Variants in PAK1 observed in about 807,000 individuals in gnomAD.
The protein encoded by PAK1 is p21 (RAC1) activated kinase 1.
A neutral mutation model predicts 67.4 loss-of-function variants in PAK1; 29 were observed. The observed-to-expected ratio is 0.43, with a 90% confidence interval of 0.32 to 0.59. The LOEUF is 0.59. Among genes scored for constraint, PAK1 ranks in the 20% least tolerant of loss-of-function variants. PAK1 has a pLI of 0.07. For missense variants in PAK1, 337 were observed against 670.7 expected, an observed-to-expected ratio of 0.50 and a Z score of 5.50; for synonymous variants, 223 against 237.4, an observed-to-expected ratio of 0.94 and a Z score of 0.56.
chr11:77,428,598 G>C (rs1452761821), intron 1 of PAK1, among the ~76,000 whole-genome samples: 2 of 150,464 alleles, frequency 1.3e-5, no homozygotes, highest in Admixed American at 6.6e-5. Context: ...GTCTAGTTAA[G>C]AGATGATGAG....
the PAK1 span, among the ~76,000 whole-genome samples, chr11:77,493,556 C>A: frequency 7.0e-6 from 1 of 143,162 alleles, no homozygotes; most frequent in Non-Finnish European, 1.5e-5. Context: ...GCCTCCCAAA[C>A]TGTTGGGATT....
the PAK1 span, among the ~76,000 whole-genome samples, chr11:77,490,244 G>A: frequency 2.0e-5 from 3 of 150,624 alleles, no homozygotes; most frequent in South Asian, 2.1e-4. Flanking sequence ...AGTGAGGAGC[G>A]TCTCCGCCCG....
Position 77,473,971 on chromosome 11 carries a change from G to C in PAK1, c.-441C>G, listed in dbSNP as rs1224244239. The stretch of plus-strand genomic sequence containing the variant: ...AGCCTGTGAGGGAAGCGCGATGGGC[G>C]AGCGAGGGGGCGGGAGCGTGTGGGG... On this transcript the variant is annotated 5_prime_UTR_variant, in exon 1 of 15. Coordinates refer to ENST00000356341, the MANE Select transcript of PAK1 (RefSeq NM_002576.5). The C allele has an allele frequency of 1.3e-5, 2 of 151,442 alleles. No homozygotes were observed. Among genetic ancestry groups the C allele is most frequent in the East Asian group, 3.9e-4 (2 of 5,080 alleles). The allele number at this position is 151,442 out of a possible 1,614,324, so 9.4% of individuals were successfully genotyped here. A position where few individuals can be genotyped will look rare whatever the true frequency, so the allele number is the denominator to read the frequency against.
At chr11:77,509,637 G>A in the PAK1 span, among the ~76,000 whole-genome samples, 1 of 152,178 alleles carries the variant, frequency 6.6e-6, no homozygotes, top group Non-Finnish European at 1.5e-5. Flanking sequence ...CCTGGTGGGA[G>A]GTGTTGGTTC....
chr11:77,322,156 A>T lies in PAK1; in HGVS notation c.*1118T>A. On this transcript the variant is annotated 3_prime_UTR_variant, in exon 15 of 15. Coordinates refer to ENST00000356341, the MANE Select transcript of PAK1 (RefSeq NM_002576.5). ...GCCAGGGGTCCTACCATAGTGGGAG[A>T]ACCAAAACCACAAAAATAGCAGGAG... is the stretch of plus-strand genomic sequence containing the variant. 4.7e-6 allele frequency: 1 copy of T among 211,366 alleles called. No individual in the cohort carries two copies. Among genetic ancestry groups the T allele is most frequent in the East Asian group, 7.0e-5 (1 of 14,278 alleles). 13.1% of individuals were successfully genotyped at this position (211,366 alleles called of 1,614,324 possible). A position where few individuals can be genotyped will look rare whatever the true frequency, so the allele number is the denominator to read the frequency against.
At chr11:77,521,529 CA>C in the PAK1 span, among the ~76,000 whole-genome samples, 491 of 137,624 alleles carry the variant, frequency 3.6e-3, no homozygotes, top group Middle Eastern at 7.5e-3. Context: ...AACTCCACCT[CA>C]AAAAAAAAAA....
chr11:77,335,798 T>G (rs1591721422), intron 13 of PAK1, among the ~76,000 whole-genome samples: 1 of 152,252 alleles, frequency 6.6e-6, no homozygotes, highest in Admixed American at 6.5e-5. Flanking sequence ...TCCCTTACTT[T>G]GCTTTTTCTC....
chr11:77,380,500 C>CA (rs967839038), intron 2 of PAK1, among the ~76,000 whole-genome samples: 1 of 151,762 alleles, frequency 6.6e-6, no homozygotes, highest in African/African-American at 2.4e-5. Flanking sequence ...CTCAAAAAAA[C>CA]AAAAAACAAT....
intron 1 of PAK1, among the ~76,000 whole-genome samples, chr11:77,416,168 G>A (rs982179129): frequency 7.9e-5 from 12 of 152,032 alleles, no homozygotes; most frequent in African/African-American, 1.2e-4. Flanking sequence ...CAGTAGAGAC[G>A]GAGTTTCACC....
chr11:77,362,516 C>T lies in PAK1; in HGVS notation c.478-3499G>A, dbSNP rs185495340. ...GGATAGAATAATACTTAAAAACCAA[C>T]ATTTTGGAATCAACTAGCTTAGGAT... On this transcript the variant is annotated intron_variant, in intron 5 of 14. Coordinates refer to ENST00000356341, the MANE Select transcript of PAK1 (RefSeq NM_002576.5). Among the ~76,000 whole-genome samples the T allele has an allele frequency of 1.3e-3, 201 of 152,276 alleles. 2 individuals carry two copies. Among genetic ancestry groups the T allele is most frequent in the Middle Eastern group, 0.01 (3 of 294 alleles).
chr11:77,440,454 A>G (rs1361861571), intron 1 of PAK1, among the ~76,000 whole-genome samples: 1 of 152,194 alleles, frequency 6.6e-6, no homozygotes, highest in Admixed American at 6.5e-5. Context: ...TAAGTACCAT[A>G]CTTAACATGC....
chr11:77,427,001 G>C (rs1440533704), intron 1 of PAK1, among the ~76,000 whole-genome samples: 1 of 152,170 alleles, frequency 6.6e-6, no homozygotes, highest in Admixed American at 6.5e-5. Flanking sequence ...TGCTGCTATG[G>C]CTGGAGCAAA....
At chr11:77,496,693 G>A in the PAK1 span, among the ~76,000 whole-genome samples, 1 of 152,200 alleles carries the variant, frequency 6.6e-6, no homozygotes, top group Non-Finnish European at 1.5e-5. Flanking sequence ...AGCACTGTGG[G>A]AGGTCAAGCC....
intron 1 of PAK1, among the ~76,000 whole-genome samples, chr11:77,443,299 G>A (rs571717467): frequency 2.2e-5 from 3 of 137,684 alleles, no homozygotes; most frequent in East Asian, 2.0e-4. Flanking sequence ...GTGAGACTCC[G>A]TCTCTTAAAA....
At chr11:77,514,630 T>G in the PAK1 span, among the ~76,000 whole-genome samples, 1 of 152,186 alleles carries the variant, frequency 6.6e-6, no homozygotes, top group African/African-American at 2.4e-5. Flanking sequence ...CATCTACATT[T>G]ATGAAAATCT....
At chr11:77,483,499 G>C in the PAK1 span, among the ~76,000 whole-genome samples, 4 of 152,146 alleles carry the variant, frequency 2.6e-5, no homozygotes, top group Non-Finnish European at 5.9e-5. Flanking sequence ...TCTTTAAAAA[G>C]GAAAATCTAT....
At chr11:77,406,375 A>G (rs1264151140) in intron 1 of PAK1, among the ~76,000 whole-genome samples, 1 of 152,340 alleles carries the variant, frequency 6.6e-6, no homozygotes, top group Non-Finnish European at 1.5e-5. Flanking sequence ...TACTTATTAT[A>G]TATCTCCCTC....
intron 4 of PAK1, among the ~76,000 whole-genome samples, 165 bp from the exon 5 acceptor site, chr11:77,374,530 C>G (rs566082838): frequency 4.6e-5 from 7 of 152,186 alleles, no homozygotes; most frequent in Non-Finnish European, 8.8e-5. Context: ...TTATACATAT[C>G]ACCTTCTTTA....
chr11:77,340,591 A>G (rs1943450243), intron 11 of PAK1, 55 bp downstream of exon 11: 1 of 873,130 alleles, frequency 1.1e-6, no homozygotes, highest in South Asian at 1.3e-5. Context: ...GAACTTCAGG[A>G]GACAGGAATA....
Sources: gnomAD v4.1 joint callset for allele counts (sites outside exome capture counted in the v4.1 genomes callset) on GRCh38, gnomAD v4.1.1 for gene constraint, MANE v1.5 for transcripts, NCBI Gene and HGNC (gene_info 2026-07-23, HGNC 2026-07-21) for gene names.